Variants in NPAS2 observed in about 807,000 individuals in gnomAD.
NPAS2 encodes neuronal PAS domain protein 2, also known as neuronal PAS domain-containing protein 2.
NPAS2 carries 23 observed loss-of-function variants against 107.5 expected under a neutral mutation model. That is an observed-to-expected ratio of 0.21 (90% CI 0.15 to 0.30). The LOEUF (loss-of-function observed/expected upper bound fraction) is 0.30, where lower values mean the gene tolerates loss of function less well. NPAS2 is among the 10% of genes least tolerant of loss of function. The pLI, the probability that NPAS2 is intolerant of heterozygous loss-of-function variation, is 1.00. For synonymous variants in NPAS2, 403 were observed against 417.5 expected, an observed-to-expected ratio of 0.97 and a Z score of 0.42; for missense variants, 756 against 1,043.3, an observed-to-expected ratio of 0.72 and a Z score of 3.79.
intron 2 of NPAS2, among the ~76,000 whole-genome samples, chr2:100,922,984 T>C (rs957013174): frequency 6.6e-6 from 1 of 152,194 alleles, no homozygotes; most frequent in African/African-American, 2.4e-5. Context: ...AGAGCTTTTT[T>C]TGGCTAAGGA....
chr2:100,892,046 C>G (rs1045404141), intron 1 of NPAS2, among the ~76,000 whole-genome samples: 4 of 152,212 alleles, frequency 2.6e-5, no homozygotes, highest in Non-Finnish European at 5.9e-5. Flanking sequence ...TGTCCACACC[C>G]TGACCACACA....
intron 4 of NPAS2, chr2:100,934,938 GC>G (rs1395336071): frequency 6.1e-6 from 6 of 985,280 alleles, no homozygotes; most frequent in Non-Finnish European, 7.2e-6. Flanking sequence ...TGAGGACAGA[GC>G]CCAGGAGATA....
intron 3 of NPAS2, among the ~76,000 whole-genome samples, chr2:100,930,389 T>C (rs1337358238): frequency 6.6e-6 from 1 of 152,214 alleles, no homozygotes; most frequent in Non-Finnish European, 1.5e-5. Context: ...CATATACTGC[T>C]TATTATTCAG....
intron 2 of NPAS2, among the ~76,000 whole-genome samples, chr2:100,909,526 T>C (rs1682391860): frequency 6.6e-6 from 1 of 152,210 alleles, no homozygotes; most frequent in Non-Finnish European, 1.5e-5. Flanking sequence ...CCATGCACAC[T>C]TGCAGAGTGC....
chr2:100,922,475 T>C (rs356654), intron 2 of NPAS2, among the ~76,000 whole-genome samples: 79,841 of 151,774 alleles, frequency 0.53, 21,698 homozygotes, highest in Admixed American at 0.65. Context: ...CCCAGCTTCT[T>C]GGGACGCTGA....
intron 15 of NPAS2, among the ~76,000 whole-genome samples, chr2:100,981,705 G>A (rs1046142502): frequency 9.9e-5 from 15 of 152,080 alleles, no homozygotes; most frequent in Non-Finnish European, 1.0e-4. Flanking sequence ...GGGTGAGGGG[G>A]AATGAAAAGT....
At chr2:100,916,199 A>C (rs1682871518) in intron 2 of NPAS2, among the ~76,000 whole-genome samples, 1 of 152,200 alleles carries the variant, frequency 6.6e-6, no homozygotes, top group Admixed American at 6.5e-5. Flanking sequence ...AAAACAAAGA[A>C]TGTACAAACA....
At chr2:100,973,373 A>G (rs187829178) in intron 12 of NPAS2, among the ~76,000 whole-genome samples, 162 of 152,318 alleles carry the variant, frequency 1.1e-3, no homozygotes, top group African/African-American at 3.8e-3. Flanking sequence ...ATGGGCATCA[A>G]GGTTCCTCCG....
chr2:100,995,258 G>A, intron 20 of NPAS2, 142 bp from the exon 21 acceptor site: 2 of 639,574 alleles, frequency 3.1e-6, no homozygotes, highest in Non-Finnish European at 5.2e-6. Flanking sequence ...TCTTGCCAGA[G>A]CCACCTCTCC....
chr2:100,924,577 A>G (rs1683440800), intron 2 of NPAS2, among the ~76,000 whole-genome samples: 1 of 152,202 alleles, frequency 6.6e-6, no homozygotes, highest in Non-Finnish European at 1.5e-5. Context: ...CTTGACAGCC[A>G]TGGTGCAGTA....
At position 100,988,183 on chromosome 2, in the gene NPAS2, G is replaced by C; in HGVS notation, c.1734G>C (p.Gln578His). ...QQRSAAVTQP[Q>H]LGAGPQLPGQ... is the part of the protein sequence containing the mutation. Reference sequence around the variant, plus strand: ...GGTCAGCTGCAGTGACTCAGCCCCAGCTCGGGGCGGGCCCCCAACTTCCAG... The same window carrying C: ...GGTCAGCTGCAGTGACTCAGCCCCACCTCGGGGCGGGCCCCCAACTTCCAG... The change falls in exon 17 of 21, where the codon CAG becomes CAC. Residue 578 changes from glutamine (Q) to histidine (H), a missense_variant. Around this residue, in one of 4 missense-constraint regions of NPAS2, gnomAD observed 496 missense variants for 594.4 expected, o/e 0.83. Coordinates refer to ENST00000335681, the MANE Select transcript of NPAS2 (RefSeq NM_002518.4). The C allele has an allele frequency of 6.2e-7, 1 of 1,614,194 alleles. No homozygotes were observed. The highest frequency in any genetic ancestry group is 8.5e-7 in the Non-Finnish European group (1 of 1,180,044).
chr2:100,993,525 CA>C lies in NPAS2; in HGVS notation c.2291del (p.Gln764ArgfsTer74). Reference sequence around the variant, plus strand: ...GCAGCAGCCACCGCAGCACTACCTGCAGGTGGGTGCCACGGCCCAGGGGGCC... The same window carrying C: ...GCAGCAGCCACCGCAGCACTACCTGCGGTGGGTGCCACGGCCCAGGGGGCC... ...ARQQPPQHYL[Q>X]VQAPTSLHSE... is the part of the protein sequence containing the mutation. On this transcript the variant is annotated frameshift_variant and splice_region_variant, in exon 20 of 21. Transcript: ENST00000335681. LOFTEE classifies it high-confidence loss of function. 6.5e-7 allele frequency: 1 copy of C among 1,549,898 alleles called. No homozygotes were observed. Among genetic ancestry groups the C allele is most frequent in the South Asian group, 1.2e-5 (1 of 85,420 alleles).
chr2:100,990,343 G>C lies in NPAS2; in HGVS notation c.1915G>C (p.Ala639Pro). ...SLVSPFSSAT[A>P]ALPPSLNLTT... ...AGTGTCCCCGTTCAGCAGCGCCACA[G>C]CTGCGCTCCCGCCAAGTCTGAATCT... The change falls in exon 18 of 21, where the codon GCT (alanine) becomes CCT (proline). Residue 639 changes from alanine (A) to proline (P), a missense_variant. This residue lies in a region of NPAS2 where 496 missense variants were observed against 594.4 expected (regional missense o/e 0.83). Coordinates refer to ENST00000335681, the MANE Select transcript of NPAS2 (RefSeq NM_002518.4). 6.2e-7 allele frequency: 1 copy of C among 1,614,192 alleles called. No homozygotes were observed. The highest frequency in any genetic ancestry group is 8.5e-7 in the Non-Finnish European group (1 of 1,180,034).
chr2:100,989,330 A>T (rs1677974440), intron 17 of NPAS2: 1 of 152,528 alleles, frequency 6.6e-6, no homozygotes, highest in Non-Finnish European at 1.5e-5. Flanking sequence ...GAACTTAGAT[A>T]ACCTGCAGTA....
chr2:100,996,638 A>T lies in NPAS2; in HGVS notation c.*1056A>T, dbSNP rs1678452443. On this transcript the variant is annotated 3_prime_UTR_variant, in exon 21 of 21. Coordinates refer to ENST00000335681, the MANE Select transcript of NPAS2 (RefSeq NM_002518.4). ...AGAAAAGATTTTATGTAATTATAAG[A>T]TGAAGCGTAGTGAATTGTACAGCTG... 1.3e-5 allele frequency: 2 copies of T among 152,682 alleles called. No individual in the cohort carries two copies. The highest frequency in any genetic ancestry group is 4.8e-5 in the African/African-American group (2 of 41,470). 9.5% of individuals were successfully genotyped at this position (152,682 alleles called of 1,614,324 possible).
chr2:100,866,717 A>G (rs934698473), intron 1 of NPAS2, among the ~76,000 whole-genome samples: 10 of 152,236 alleles, frequency 6.6e-5, no homozygotes, highest in South Asian at 4.1e-4. Flanking sequence ...GTTATGCACT[A>G]GATGATACAT....
Position 100,914,603 on chromosome 2 carries a change from T to C in NPAS2, c.32+9817T>C, listed in dbSNP as rs530315635. 8.5e-5 allele frequency among the ~76,000 whole-genome samples: 13 copies of C among 152,306 alleles called. No individual in the cohort carries two copies. In the South Asian group the frequency reaches 2.7e-3, roughly 32 times the overall value. On this transcript the variant is annotated intron_variant, in intron 2 of 20. Coordinates refer to ENST00000335681, the MANE Select transcript of NPAS2 (RefSeq NM_002518.4). ...GAAATATGTTTCTTCAAGAGTCTCT[T>C]ATAATTACAGTCCAGCTCACCCCAT... is the stretch of plus-strand genomic sequence containing the variant.
intron 1 of NPAS2, among the ~76,000 whole-genome samples, chr2:100,831,808 G>A (rs1277938924): frequency 5.5e-5 from 6 of 109,406 alleles, no homozygotes; most frequent in Non-Finnish European, 9.3e-5. Flanking sequence ...GGGGAAGCAC[G>A]GGACCCCTGG....
intron 12 of NPAS2, among the ~76,000 whole-genome samples, chr2:100,973,464 G>A (rs568865333): frequency 1.1e-4 from 17 of 152,260 alleles, no homozygotes; most frequent in African/African-American, 3.1e-4. Context: ...CAGGGACCCC[G>A]CTCTAAGGAG....
Sources: gnomAD v4.1 joint callset for allele counts (sites outside exome capture counted in the v4.1 genomes callset) on GRCh38, gnomAD v4.1.1 for gene constraint, gnomAD v4.1.1 regional missense constraint, MANE v1.5 for transcripts, NCBI Gene and HGNC (gene_info 2026-07-23, HGNC 2026-07-21) for gene names.